Variants in KIF13A observed in about 807,000 individuals in gnomAD.
KIF13A encodes the protein kinesin-like protein KIF13A.
Under a neutral mutation model 212.2 loss-of-function variants are expected in KIF13A, and 79 were observed. The ratio of observed to expected loss-of-function variants is 0.37; its 90% confidence interval spans 0.31 to 0.45. The LOEUF (loss-of-function observed/expected upper bound fraction) is 0.45. KIF13A is among the 20% of genes least tolerant of loss of function. The pLI is 1.00. For missense variants in KIF13A, 1,901 were observed against 2,209.0 expected, an observed-to-expected ratio of 0.86 and a Z score of 2.79; for synonymous variants, 789 against 808.6, an observed-to-expected ratio of 0.98 and a Z score of 0.41.
chr6:17,827,479 T>TG (rs148263188), intron 14 of KIF13A, among the ~76,000 whole-genome samples: 1,899 of 151,512 alleles, frequency 0.013, 40 homozygotes, highest in African/African-American at 0.044. Flanking sequence ...AACTGGAGGA[T>TG]GGGTCCATGG....
intron 2 of KIF13A, among the ~76,000 whole-genome samples, chr6:17,957,203 A>G (rs1260821306): frequency 6.6e-6 from 1 of 152,100 alleles, no homozygotes; most frequent in Non-Finnish European, 1.5e-5. Context: ...TGCCATCCAT[A>G]TTCAATCATG....
intron 4 of KIF13A, among the ~76,000 whole-genome samples, chr6:17,864,128 C>G (rs1345458890): frequency 1.3e-5 from 2 of 152,194 alleles, no homozygotes; most frequent in African/African-American, 2.4e-5. Context: ...GTATTTGTTT[C>G]TATCCCAGAC....
intron 30 of KIF13A, 88 bp downstream of exon 30, chr6:17,781,089 A>T: frequency 6.5e-7 from 1 of 1,542,628 alleles, no homozygotes; most frequent in Non-Finnish European, 8.9e-7. Flanking sequence ...CTTTTTCCCC[A>T]AAGCAAACCA....
intron 19 of KIF13A, 77 bp from the exon 20 acceptor site, chr6:17,804,587 C>A: frequency 7.8e-7 from 1 of 1,278,554 alleles, no homozygotes; most frequent in Non-Finnish European, 1.0e-6. Flanking sequence ...TTAAAACTAG[C>A]ATTTGAAAAA....
Position 17,799,130 on chromosome 6 carries a change from T to G in KIF13A, c.2790+136A>C. ...ATTTCTAAACTATTTGCATTTGTAATGAGGTACATTTTTGAGGTTAAAACA... is the reference window on the plus strand; with the variant it reads ...ATTTCTAAACTATTTGCATTTGTAAGGAGGTACATTTTTGAGGTTAAAACA... On this transcript the variant is annotated intron_variant, in intron 22 of 38. Coordinates refer to ENST00000259711, the MANE Select transcript of KIF13A (RefSeq NM_022113.6). This position sits in a 1 kb window ranked among gnomAD's most constrained non-coding sequence, Gnocchi z 4.4. The G allele has an allele frequency of 2.1e-6, 1 of 471,836 alleles. No individual in the cohort carries two copies. The highest frequency in any genetic ancestry group is 1.0e-4 in the South Asian group (1 of 9,800). The allele number at this position is 471,836 out of a possible 1,614,324, so 29.2% of individuals were successfully genotyped here.
At chr6:17,889,524 CAA>C (rs1771851607) in intron 3 of KIF13A, among the ~76,000 whole-genome samples, 1 of 152,214 alleles carries the variant, frequency 6.6e-6, no homozygotes, top group African/African-American at 2.4e-5. Context: ...TGATCCTACA[CAA>C]AGTGATTTTT....
intron 30 of KIF13A, 47 bp from the exon 31 acceptor site, chr6:17,780,953 GATGTA>G: frequency 6.4e-7 from 1 of 1,553,106 alleles, no homozygotes; most frequent in South Asian, 1.1e-5. Flanking sequence ...ACAAAAGTCA[GATGTA>G]GCAGTTTTAC....
chr6:17,869,367 T>C (rs193191717), intron 4 of KIF13A, among the ~76,000 whole-genome samples: 1 of 152,274 alleles, frequency 6.6e-6, no homozygotes, highest in African/African-American at 2.4e-5. Context: ...ACGATAAACA[T>C]TAAGGCAGTG....
intron 9 of KIF13A, among the ~76,000 whole-genome samples, chr6:17,840,642 T>C (rs1273044213): frequency 2.0e-5 from 3 of 152,246 alleles, no homozygotes; most frequent in South Asian, 2.1e-4. Context: ...CAACTACTTA[T>C]AATTTCTACT....
downstream of KIF13A, among the ~76,000 whole-genome samples, chr6:17,761,407 G>A (rs1361618105): frequency 6.6e-6 from 1 of 151,578 alleles, no homozygotes; most frequent in East Asian, 1.9e-4. Context: ...TTTGAGACAA[G>A]AGTTTAGCTC....
intron 2 of KIF13A, among the ~76,000 whole-genome samples, chr6:17,960,264 G>C (rs1456802386): frequency 1.3e-5 from 2 of 152,144 alleles, no homozygotes; most frequent in African/African-American, 4.8e-5. Context: ...AACATTCTTT[G>C]AGAGTAGCAA....
Position 17,773,772 on chromosome 6 carries a change from C to T in KIF13A, c.4219-189G>A, listed in dbSNP as rs575634508. ...AATACTGTCATATCCAAGGTATACC[C>T]GGAGTGAATACATGTTAATATTTTA... On this transcript the variant is annotated intron_variant, in intron 35 of 38. Coordinates refer to ENST00000259711, the MANE Select transcript of KIF13A (RefSeq NM_022113.6). This position sits in a 1 kb window ranked among gnomAD's most constrained non-coding sequence, Gnocchi z 4.2. Among the ~76,000 whole-genome samples, 13 of 151,906 alleles carry T rather than the reference C, an allele frequency of 8.6e-5. No homozygotes were observed. Among genetic ancestry groups the T allele is most frequent in the Admixed American group, 2.6e-4 (4 of 15,236 alleles).
At chr6:17,896,653 A>G (rs187179416) in intron 3 of KIF13A, among the ~76,000 whole-genome samples, 154 of 152,342 alleles carry the variant, frequency 1.0e-3, no homozygotes, top group African/African-American at 3.7e-3. Flanking sequence ...GGAACGATCA[A>G]TAGGATATCC....
rs2150515997 is a variant in KIF13A, at chr6:17,918,282, G to A, written c.147-20102C>T. Among the ~76,000 whole-genome samples, 1 of 152,196 alleles carries A rather than the reference G, an allele frequency of 6.6e-6. No homozygotes were observed. Among genetic ancestry groups the A allele is most frequent in the South Asian group, 2.1e-4 (1 of 4,822 alleles). ...GTGCAGCAGAGGATAAATGTTTACT[G>A]AATAAATACATACATGCATAAAAAA... On this transcript the variant is annotated intron_variant, in intron 2 of 38. Coordinates refer to ENST00000259711, the MANE Select transcript of KIF13A (RefSeq NM_022113.6). The surrounding 1 kb of genome is among the most constrained non-coding windows in gnomAD (Gnocchi z 4.8).
At chr6:17,955,793 G>A (rs1203590609) in intron 2 of KIF13A, among the ~76,000 whole-genome samples, 2 of 152,164 alleles carry the variant, frequency 1.3e-5, no homozygotes, top group Admixed American at 6.5e-5. Flanking sequence ...ATTCAGTGTA[G>A]TTTGTTTCCA....
rs1481059612 is a variant in KIF13A at position 17,771,065 on chromosome 6, C to A, written c.4581+49G>T. 2.5e-6 allele frequency: 3 copies of A among 1,222,204 alleles called. No homozygotes were observed. The highest frequency in any genetic ancestry group is 3.6e-6 in the Non-Finnish European group (3 of 838,526). The allele number at this position is 1,222,204 out of a possible 1,614,324, so 75.7% of individuals were successfully genotyped here. A position where few individuals can be genotyped will look rare whatever the true frequency, so the allele number is the denominator to read the frequency against. ...ATTTGGATGATTGTCTGTGAAAGGG[C>A]CTTAAACCCACCACCAGGCAATATG... On this transcript the variant is annotated intron_variant, in intron 38 of 38. Coordinates refer to ENST00000259711, the MANE Select transcript of KIF13A (RefSeq NM_022113.6). The surrounding 1 kb of genome is among the most constrained non-coding windows in gnomAD (Gnocchi z 5.4).
In KIF13A at chr6:17,777,459, C is replaced by G. The variant is rs1366711670; in HGVS notation, c.4093-105G>C. On this transcript the variant is annotated intron_variant, in intron 33 of 38. Coordinates refer to ENST00000259711, the MANE Select transcript of KIF13A (RefSeq NM_022113.6). This position sits in a 1 kb window ranked among gnomAD's most constrained non-coding sequence, Gnocchi z 4.4. ...AGTGTAGTGATGCGATCTCTGCTCA[C>G]TGCAACCTCTGCCTCCTGGGTTCAA... 1 of 891,982 alleles carries G rather than the reference C, an allele frequency of 1.1e-6. No homozygotes were observed. 55.3% of individuals were successfully genotyped at this position (891,982 alleles called of 1,614,324 possible). A position where few individuals can be genotyped will look rare whatever the true frequency, so the allele number is the denominator to read the frequency against.
At chr6:17,911,431 A>G (rs1416224027) in intron 2 of KIF13A, among the ~76,000 whole-genome samples, 1 of 152,252 alleles carries the variant, frequency 6.6e-6, no homozygotes, top group Non-Finnish European at 1.5e-5. Flanking sequence ...CCTCTCCACT[A>G]TGACAAGAGT....
Position 17,886,955 on chromosome 6 carries a change from T to C in KIF13A, c.159+11213A>G, listed in dbSNP as rs1415908224. Reference sequence around the variant, plus strand: ...TTTATAATGACAAAGTGTGGTATATTGCATTACTGTTCCAAATGATTCCTG... The same window carrying C: ...TTTATAATGACAAAGTGTGGTATATCGCATTACTGTTCCAAATGATTCCTG... On this transcript the variant is annotated intron_variant, in intron 3 of 38. Transcript: ENST00000259711. The surrounding 1 kb of genome is among the most constrained non-coding windows in gnomAD (Gnocchi z 5.6). 1.3e-5 allele frequency among the ~76,000 whole-genome samples: 2 copies of C among 152,110 alleles called. No individual in the cohort carries two copies. Among genetic ancestry groups the C allele is most frequent in the Non-Finnish European group, 2.9e-5 (2 of 68,024 alleles).
Sources: allele counts gnomAD v4.1 joint callset (sites outside exome capture counted in the v4.1 genomes callset), GRCh38; gene constraint gnomAD v4.1.1; non-coding constraint Gnocchi (gnomAD v3.1); transcripts MANE v1.5; gene names NCBI Gene and HGNC (gene_info 2026-07-23, HGNC 2026-07-21).